The following TPCN1 variants were observed in gnomAD, a reference collection of about 807,000 sequenced individuals.
TPCN1 encodes the protein two pore segment channel 1.
In TPCN1, 52 loss-of-function variants were observed where a neutral mutation model predicts 108.8. The observed-to-expected ratio is 0.48, with a 90% confidence interval of 0.38 to 0.60. TPCN1 has a LOEUF of 0.60. TPCN1 is among the 20% of genes least tolerant of loss of function. The pLI, the probability that TPCN1 is intolerant of heterozygous loss-of-function variation, is 0.00. For missense variants in TPCN1, 806 were observed against 1,072.8 expected (o/e 0.75, Z 3.47); for synonymous variants, 446 against 433.7 (o/e 1.03, Z -0.35).
At chr12:113,291,841 T>G in intron 24 of TPCN1, 33 bp from the exon 25 acceptor site, 7 of 623,750 alleles carry the variant, frequency 1.1e-5, no homozygotes, top group Non-Finnish European at 2.0e-5. Context: ...CCTCCTCCCC[T>G]GCCTCTGCCC....
intron 2 of TPCN1, among the ~76,000 whole-genome samples, chr12:113,255,487 C>CT (rs201378482): frequency 1.6e-4 from 23 of 147,684 alleles, no homozygotes; most frequent in East Asian, 5.9e-4. Flanking sequence ...TCCCAGCAGA[C>CT]TTTTTTTTTT....
intron 2 of TPCN1, chr12:113,244,754 G>A (rs1047152818): frequency 1.7e-5 from 17 of 985,238 alleles, no homozygotes; most frequent in East Asian, 1.1e-4. Context: ...GTGAGTATTC[G>A]CATTTGTTTC....
chr12:113,222,824 A>G (rs968396007), intron 1 of TPCN1, among the ~76,000 whole-genome samples: 6 of 152,162 alleles, frequency 3.9e-5, no homozygotes, highest in African/African-American at 1.4e-4. Context: ...CGTGAGTTAA[A>G]ACATAGAAAC....
chr12:113,294,319 C>G (rs574321430), intron 27 of TPCN1: 3 of 152,226 alleles, frequency 2.0e-5, no homozygotes, highest in Admixed American at 2.0e-4. Flanking sequence ...ATTCTTCCAC[C>G]TTGGCTTCTA....
rs1488903209 is a variant in TPCN1 at position 113,296,080 on chromosome 12, A to G, written c.*4A>G. On this transcript the variant is annotated 3_prime_UTR_variant, in exon 28 of 28. Coordinates refer to ENST00000335509, the MANE Select transcript of TPCN1 (RefSeq NM_017901.6). The stretch of plus-strand genomic sequence containing the variant: ...GCGCTCCCAGACCGTTACCTAGCCC[A>G]GCGCCCGAAAGCCGTCTCTTCTATG... 4 of 1,612,164 alleles carry G rather than the reference A, an allele frequency of 2.5e-6. No individual in the cohort carries two copies. Among genetic ancestry groups the G allele is most frequent in the African/African-American group, 2.7e-5 (2 of 74,930 alleles).
chr12:113,223,661 A>C (rs1953357593), intron 1 of TPCN1, among the ~76,000 whole-genome samples: 1 of 152,132 alleles, frequency 6.6e-6, no homozygotes, highest in Admixed American at 6.5e-5. Flanking sequence ...CTCCTGCTTC[A>C]GGCTCCCCAG....
intron 2 of TPCN1, among the ~76,000 whole-genome samples, chr12:113,233,707 C>T (rs34779278): frequency 0.069 from 10,574 of 152,308 alleles, 488 homozygotes; most frequent in Non-Finnish European, 0.1. Flanking sequence ...GTTGAGCCCT[C>T]GCCGTGTGTC....
At chr12:113,255,628 T>C (rs1301701872) in intron 2 of TPCN1, among the ~76,000 whole-genome samples, 3 of 151,906 alleles carry the variant, frequency 2.0e-5, no homozygotes, top group Non-Finnish European at 4.4e-5. Context: ...TGGGCTCAAG[T>C]GAGTCTCATG....
rs371216698 is a variant in TPCN1 at position 113,268,922 on chromosome 12, C to T, written c.659+50C>T. ...CAGTCACTATCCTGGCATGGCCTGA[C>T]CTCTGGGCCAGTGGGGCAGGAGCTT... On this transcript the variant is annotated intron_variant, in intron 6 of 27. Transcript: ENST00000335509. The surrounding 1 kb of genome is among the most constrained non-coding windows in gnomAD (Gnocchi z 7.3). The T allele has an allele frequency of 2.7e-4, 441 of 1,608,608 alleles. No individual in the cohort carries two copies. Among genetic ancestry groups the T allele is most frequent in the Non-Finnish European group, 3.7e-4 (432 of 1,177,106 alleles).
chr12:113,288,603 CCCA>C lies in TPCN1; in HGVS notation c.1707-153_1707-151del. The C allele has an allele frequency of 6.7e-7, 1 of 1,495,120 alleles. No homozygotes were observed. The highest frequency in any genetic ancestry group is 2.4e-5 in the East Asian group (1 of 41,914). The allele number at this position is 1,495,120 out of a possible 1,614,324, so 92.6% of individuals were successfully genotyped here. A position where few individuals can be genotyped will look rare whatever the true frequency, so the allele number is the denominator to read the frequency against. On this transcript the variant is annotated intron_variant, in intron 20 of 27. Transcript: ENST00000335509. The surrounding 1 kb of genome is among the most constrained non-coding windows in gnomAD (Gnocchi z 4.8). ...GAGCTGTTTTTCACCCCAGAGCTGCCCCACGAGGCCCCTTCCCCGCAGGCACTT... is the reference window on the plus strand; with the variant it reads ...GAGCTGTTTTTCACCCCAGAGCTGCCCGAGGCCCCTTCCCCGCAGGCACTT...
chr12:113,263,019 G>A (rs1472991402), intron 3 of TPCN1, among the ~76,000 whole-genome samples: 5 of 152,158 alleles, frequency 3.3e-5, no homozygotes, highest in Admixed American at 3.3e-4. Context: ...AACAGCTGGT[G>A]TTGTATGATC....
chr12:113,267,923 C>A lies in TPCN1; in HGVS notation c.495C>A (p.His165Gln), dbSNP rs1290010536. The A allele has an allele frequency of 1.2e-5, 19 of 1,613,954 alleles. No homozygotes were observed. The highest frequency in any genetic ancestry group is 1.5e-5 in the Non-Finnish European group (18 of 1,179,934). Residue 165 changes from histidine to glutamine, a missense_variant, in exon 5 of 28, where the codon CAC (histidine) becomes CAA (glutamine). Physicochemically the swap from His to Gln is conservative, Grantham distance 24. Transcript: ENST00000335509. ...LCMKLRWLGL[H>Q]TFIRHKRTMV... Reference sequence around the variant, plus strand: ...TGAAGTTACGCTGGCTGGGCCTCCACACCTTCATCCGGCACAAGCGGACCA... The same window carrying A: ...TGAAGTTACGCTGGCTGGGCCTCCAAACCTTCATCCGGCACAAGCGGACCA...
Position 113,254,654 on chromosome 12 carries a change from C to T in TPCN1, c.113-5714C>T, listed in dbSNP as rs1433461261. On this transcript the variant is annotated intron_variant, in intron 2 of 27. Coordinates refer to ENST00000335509, the MANE Select transcript of TPCN1 (RefSeq NM_017901.6). Reference sequence around the variant, plus strand: ...TTTTTTTCAGATTTTGGAGTATTTGCGTTATACTTACTGGTTGAGTATTTC... The same window carrying T: ...TTTTTTTCAGATTTTGGAGTATTTGTGTTATACTTACTGGTTGAGTATTTC... 2.0e-5 allele frequency among the ~76,000 whole-genome samples: 3 copies of T among 152,218 alleles called. No individual in the cohort carries two copies. The East Asian group carries it at 5.8e-4, about 29-fold the overall frequency.
chr12:113,257,086 A>T (rs2136558101), intron 2 of TPCN1, among the ~76,000 whole-genome samples: 1 of 152,372 alleles, frequency 6.6e-6, no homozygotes, highest in Middle Eastern at 3.4e-3. Flanking sequence ...CACTTCAAAG[A>T]AGATAGATGG....
intron 3 of TPCN1, among the ~76,000 whole-genome samples, chr12:113,262,767 C>T (rs1955092154): frequency 6.6e-6 from 1 of 152,176 alleles, no homozygotes; most frequent in East Asian, 1.9e-4. Flanking sequence ...ACCTGCTAAT[C>T]TTTGTAACAA....
In TPCN1 at chr12:113,272,621, C is replaced by G. The variant is rs768260391; in HGVS notation, c.749-37C>G. On this transcript the variant is annotated intron_variant, in intron 7 of 27. Coordinates refer to ENST00000335509, the MANE Select transcript of TPCN1 (RefSeq NM_017901.6). The surrounding 1 kb of genome is among the most constrained non-coding windows in gnomAD (Gnocchi z 4.1). ...GACACCAGGTTTTGGGACCTCTGCT[C>G]TAATCCTTTTGTTTATCTGTTTCCA... 2 of 1,605,446 alleles carry G rather than the reference C, an allele frequency of 1.2e-6. No homozygotes were observed. The highest frequency in any genetic ancestry group is 2.2e-5 in the East Asian group (1 of 44,844).
At chr12:113,253,060 T>C (rs1954707919) in intron 2 of TPCN1, among the ~76,000 whole-genome samples, 1 of 152,140 alleles carries the variant, frequency 6.6e-6, no homozygotes, top group Non-Finnish European at 1.5e-5. Context: ...AGTCTACCGA[T>C]TGGGAGCTAG....
chr12:113,292,863 A>G (rs1407639207), intron 25 of TPCN1, 71 bp from the exon 26 acceptor site: 2 of 1,547,502 alleles, frequency 1.3e-6, no homozygotes, highest in East Asian at 4.5e-5. Context: ...GGGGGCAAGG[A>G]GGTACGAGAC....
At chr12:113,233,316 C>T (rs1275826100) in intron 2 of TPCN1, among the ~76,000 whole-genome samples, 1 of 152,228 alleles carries the variant, frequency 6.6e-6, no homozygotes, top group African/African-American at 2.4e-5. Context: ...GCTGAGTTCA[C>T]GTTTCCTCTG....
Sources: allele counts gnomAD v4.1 joint callset (sites outside exome capture counted in the v4.1 genomes callset), GRCh38; gene constraint gnomAD v4.1.1; non-coding constraint Gnocchi (gnomAD v3.1); transcripts MANE v1.5; gene names NCBI Gene and HGNC (gene_info 2026-07-23, HGNC 2026-07-21).